ASIC2: variants seen among roughly 807,000 people sequenced by gnomAD.
ASIC2 encodes acid-sensing ion channel 2.
In ASIC2, 25 loss-of-function variants were observed where a neutral mutation model predicts 57.3. That is an observed-to-expected ratio of 0.44 (90% CI 0.32 to 0.61). The LOEUF (loss-of-function observed/expected upper bound fraction) is 0.61, where lower values mean the gene tolerates loss of function less well. Among genes scored for constraint, ASIC2 ranks in the 20% least tolerant of loss-of-function variants. ASIC2 has a pLI of 0.06. For synonymous variants in ASIC2, 319 were observed against 307.5 expected (o/e 1.04, Z -0.39); for missense variants, 641 against 738.1 (o/e 0.87, Z 1.52).
intron 1 of ASIC2, among the ~76,000 whole-genome samples, chr17:33,738,274 C>A (rs1418335878): frequency 6.6e-6 from 1 of 152,160 alleles, no homozygotes; most frequent in Non-Finnish European, 1.5e-5. Context: ...GAGAGCTCAC[C>A]ACCCCATTAG....
intron 1 of ASIC2, among the ~76,000 whole-genome samples, chr17:33,524,608 G>A (rs1421159144): frequency 1.3e-5 from 2 of 152,188 alleles, no homozygotes; most frequent in Non-Finnish European, 2.9e-5. Context: ...TATGGCTAAC[G>A]AGGATGGTGG....
chr17:33,558,942 A>G (rs1915992320), intron 1 of ASIC2, among the ~76,000 whole-genome samples: 1 of 152,018 alleles, frequency 6.6e-6, no homozygotes, highest in African/African-American at 2.4e-5. Flanking sequence ...TAAGTTTTGG[A>G]TTTTTAGTAG....
chr17:33,060,436 TG>T (rs1229548032), intron 3 of ASIC2, among the ~76,000 whole-genome samples: 1 of 152,236 alleles, frequency 6.6e-6, no homozygotes, highest in Admixed American at 6.5e-5. Context: ...CCCCATTTTT[TG>T]TTTTTGTAAG....
chr17:33,973,967 C>T (rs1905294794), intron 1 of ASIC2, among the ~76,000 whole-genome samples: 1 of 152,124 alleles, frequency 6.6e-6, no homozygotes, highest in African/African-American at 2.4e-5. Flanking sequence ...CCACCTGGTC[C>T]AGGGGAAGGA....
At chr17:33,072,388 T>G (rs913303302) in intron 3 of ASIC2, among the ~76,000 whole-genome samples, 6 of 152,198 alleles carry the variant, frequency 3.9e-5, no homozygotes, top group Non-Finnish European at 2.9e-5. Context: ...GTCTCTGAAG[T>G]GGAAGCAGAA....
chr17:33,189,224 C>A (rs978818283), intron 1 of ASIC2, among the ~76,000 whole-genome samples: 13 of 152,148 alleles, frequency 8.5e-5, no homozygotes, highest in Non-Finnish European at 1.6e-4. Context: ...GAGAACCCCC[C>A]ACCCCCTAAC....
At chr17:33,641,975 TA>T (rs1397476598) in intron 1 of ASIC2, among the ~76,000 whole-genome samples, 2 of 152,188 alleles carry the variant, frequency 1.3e-5, no homozygotes, top group Non-Finnish European at 2.9e-5. Flanking sequence ...TTTTTATTTT[TA>T]GTTTTTAGGT....
In ASIC2 at chr17:33,032,650, T is replaced by C. The variant is rs545443444; in HGVS notation, c.988-4258A>G. 4.6e-5 allele frequency among the ~76,000 whole-genome samples: 7 copies of C among 152,214 alleles called. No individual in the cohort carries two copies. The South Asian group carries it at 1.2e-3, about 27-fold the overall frequency. ...TTTTAGTAGAGCCAGACTTTCACCA[T>C]GTTGGCCAGGCTTGTCTCAAACTCC... On this transcript the variant is annotated intron_variant, in intron 3 of 9. Coordinates refer to ENST00000225823, the MANE Select transcript of ASIC2 (RefSeq NM_183377.2).
At chr17:33,815,863 AT>A (rs1912564552) in intron 1 of ASIC2, among the ~76,000 whole-genome samples, 1 of 152,152 alleles carries the variant, frequency 6.6e-6, no homozygotes, top group South Asian at 2.1e-4. Context: ...GATACCGGTT[AT>A]TTTTGAATTA....
At chr17:33,360,678 C>A (rs1908564942) in intron 1 of ASIC2, among the ~76,000 whole-genome samples, 2 of 152,194 alleles carry the variant, frequency 1.3e-5, no homozygotes, top group Admixed American at 6.5e-5. Flanking sequence ...TTTCACAATT[C>A]TTTGTTTATT....
chr17:33,799,420 TTTCTTTC>T (rs1335027886), intron 1 of ASIC2, among the ~76,000 whole-genome samples: 21 of 73,458 alleles, frequency 2.9e-4, no homozygotes, highest in African/African-American at 4.9e-4. Flanking sequence ...TCTTTCTTTC[TTTCTTTC>T]TTCTTTCTTT....
At chr17:33,371,590 C>T (rs1909063240) in intron 1 of ASIC2, among the ~76,000 whole-genome samples, 1 of 152,196 alleles carries the variant, frequency 6.6e-6, no homozygotes, top group South Asian at 2.1e-4. Context: ...TATTCACTTT[C>T]CCTTCACCTG....
At chr17:33,267,721 T>C (rs1348891593) in intron 1 of ASIC2, among the ~76,000 whole-genome samples, 2 of 152,172 alleles carry the variant, frequency 1.3e-5, no homozygotes, top group African/African-American at 2.4e-5. Context: ...CACAGGCATC[T>C]TGCAGGAGGT....
At chr17:33,687,256 G>A (rs542759443) in intron 1 of ASIC2, among the ~76,000 whole-genome samples, 13 of 152,276 alleles carry the variant, frequency 8.5e-5, no homozygotes, top group Non-Finnish European at 1.3e-4. Flanking sequence ...ACGGAGTGGC[G>A]TCAGTACCAG....
chr17:33,189,690 C>T (rs1448985715), intron 1 of ASIC2, among the ~76,000 whole-genome samples: 1 of 152,014 alleles, frequency 6.6e-6, no homozygotes. Context: ...ATGTGTATTA[C>T]AGGTGGAAAG....
intron 1 of ASIC2, among the ~76,000 whole-genome samples, chr17:34,028,300 A>G (rs144075744): frequency 6.6e-6 from 1 of 152,308 alleles, no homozygotes; most frequent in East Asian, 1.9e-4. Context: ...GGAGGAACAA[A>G]GAGTTCTTGC....
At chr17:33,696,467 A>G (rs1908531719) in intron 1 of ASIC2, among the ~76,000 whole-genome samples, 2 of 152,212 alleles carry the variant, frequency 1.3e-5, no homozygotes, top group South Asian at 4.1e-4. Flanking sequence ...TTTTACATAT[A>G]TGAGGGGAAA....
At chr17:33,421,738 T>C (rs1183873088) in intron 1 of ASIC2, among the ~76,000 whole-genome samples, 1 of 152,178 alleles carries the variant, frequency 6.6e-6, no homozygotes, top group Non-Finnish European at 1.5e-5. Context: ...CTTTGTTATG[T>C]CATGCATTTA....
chr17:33,226,602 T>C (rs759442579), intron 1 of ASIC2, among the ~76,000 whole-genome samples: 5 of 152,228 alleles, frequency 3.3e-5, no homozygotes, highest in Non-Finnish European at 7.3e-5. Flanking sequence ...CGCAATTATA[T>C]ATAATCCACT....
Sources: gnomAD v4.1 joint callset for allele counts (sites outside exome capture counted in the v4.1 genomes callset) on GRCh38, gnomAD v4.1.1 for gene constraint, MANE v1.5 for transcripts, NCBI Gene and HGNC (gene_info 2026-07-23, HGNC 2026-07-21) for gene names.